SLIT3: variants seen among roughly 807,000 people sequenced by gnomAD.
The protein encoded by SLIT3 is slit homolog 3 protein.
Under a neutral mutation model 184.0 loss-of-function variants are expected in SLIT3, and 68 were observed. The observed-to-expected ratio is 0.37, with a 90% CI of 0.30 to 0.45. SLIT3 has a LOEUF of 0.45. Ranked by LOEUF, SLIT3 falls within the 20% of genes least tolerant of loss-of-function variation. The probability of loss-of-function intolerance (pLI) is 1.00; values close to 1 mark genes in which losing one functional copy is unlikely to be tolerated. For synonymous variants in SLIT3, 831 were observed against 828.6 expected (o/e 1.00, Z -0.05); for missense variants, 1,707 against 2,026.0 (o/e 0.84, Z 3.02).
At chr5:168,682,639 G>C (rs1761626440) in intron 32 of SLIT3, among the ~76,000 whole-genome samples, 1 of 152,172 alleles carries the variant, frequency 6.6e-6, no homozygotes, top group Non-Finnish European at 1.5e-5. Context: ...TGTGGAGGGG[G>C]GATCTTTGCT....
At chr5:169,144,329 G>A (rs1478254573) in intron 4 of SLIT3, among the ~76,000 whole-genome samples, 1 of 152,064 alleles carries the variant, frequency 6.6e-6, no homozygotes, top group Non-Finnish European at 1.5e-5. Context: ...CCTTTGTCGG[G>A]GCCATCTTTC....
chr5:169,053,200 A>G (rs1181991083), intron 4 of SLIT3, among the ~76,000 whole-genome samples: 3 of 152,178 alleles, frequency 2.0e-5, no homozygotes, highest in Admixed American at 6.5e-5. Flanking sequence ...ATTGATTCCA[A>G]CCTGGCTCCA....
At chr5:169,268,070 G>A (rs1400716320) in intron 1 of SLIT3, among the ~76,000 whole-genome samples, 1 of 152,220 alleles carries the variant, frequency 6.6e-6, no homozygotes, top group African/African-American at 2.4e-5. Context: ...CTAATAAAGT[G>A]AGTTCAGGCT....
chr5:169,057,985 C>T (rs752337590), intron 4 of SLIT3, among the ~76,000 whole-genome samples: 6 of 152,130 alleles, frequency 3.9e-5, no homozygotes, highest in Non-Finnish European at 5.9e-5. Flanking sequence ...TAGAAAATAC[C>T]CAGGGACCCT....
At chr5:169,176,936 C>T (rs1318920389) in intron 4 of SLIT3, among the ~76,000 whole-genome samples, 2 of 152,140 alleles carry the variant, frequency 1.3e-5, no homozygotes, top group Admixed American at 6.5e-5. Context: ...AGGCAGAGCC[C>T]ATGAAAGCCA....
At chr5:168,885,043 A>T (rs985824091) in intron 4 of SLIT3, among the ~76,000 whole-genome samples, 1 of 152,136 alleles carries the variant, frequency 6.6e-6, no homozygotes, top group Non-Finnish European at 1.5e-5. Flanking sequence ...CTAAATGAAC[A>T]TTTTGCAAAG....
At chr5:169,271,375 G>A (rs1325896882) in intron 1 of SLIT3, among the ~76,000 whole-genome samples, 3 of 152,124 alleles carry the variant, frequency 2.0e-5, no homozygotes, top group Non-Finnish European at 2.9e-5. Context: ...TCATTCCTGC[G>A]ATTACACCTT....
intron 4 of SLIT3, among the ~76,000 whole-genome samples, chr5:169,057,396 G>T (rs990799843): frequency 1.3e-5 from 2 of 152,198 alleles, no homozygotes; most frequent in South Asian, 4.1e-4. Flanking sequence ...AGCCCGCTTT[G>T]CTTAGTGGCC....
Position 169,113,059 on chromosome 5 carries a change from G to C in SLIT3, c.413+80420C>G, listed in dbSNP as rs143603644. Among the ~76,000 whole-genome samples the C allele has an allele frequency of 8.3e-4, 127 of 152,236 alleles. 1 individual carries two copies. The highest frequency in any genetic ancestry group is 3.0e-3 in the African/African-American group (125 of 41,530). ...TAAAATTATTTTTCATTGTGGTGAA[G>C]TGTACATAGCATCAAATTTAACATC... On this transcript the variant is annotated intron_variant, in intron 4 of 35. Coordinates refer to ENST00000519560, the MANE Select transcript of SLIT3 (RefSeq NM_003062.4).
rs150695709 is a variant in SLIT3 at position 168,883,840 on chromosome 5, C to T, written c.414-504G>A. On this transcript the variant is annotated intron_variant, in intron 4 of 35. Transcript: ENST00000519560. ...TTCTGATTTTCTGATGGGGGATGAC[C>T]ACTTCAGCTTACTCGAGAGTCCCAG... Among the ~76,000 whole-genome samples, 465 of 152,250 alleles carry T rather than the reference C, an allele frequency of 3.1e-3. 1 individual carries two copies. The highest frequency in any genetic ancestry group is 0.01 in the African/African-American group (430 of 41,526).
intron 4 of SLIT3, among the ~76,000 whole-genome samples, chr5:169,192,078 G>C (rs1310426136): frequency 6.6e-6 from 1 of 152,194 alleles, no homozygotes; most frequent in East Asian, 1.9e-4. Context: ...AAAGGCAGGG[G>C]ATGTTACAAA....
At chr5:168,686,129 G>A (rs1189461109) in intron 30 of SLIT3, among the ~76,000 whole-genome samples, 1 of 152,208 alleles carries the variant, frequency 6.6e-6, no homozygotes, top group East Asian at 1.9e-4. Flanking sequence ...ATTTTTAAGA[G>A]AGTTGGGGTA....
chr5:168,752,135 G>A (rs1166340405), intron 18 of SLIT3, among the ~76,000 whole-genome samples: 1 of 152,184 alleles, frequency 6.6e-6, no homozygotes, highest in East Asian at 1.9e-4. Flanking sequence ...ACAAAGACGA[G>A]ATGGCCCACA....
intron 4 of SLIT3, among the ~76,000 whole-genome samples, chr5:168,890,020 G>A (rs1760385654): frequency 6.6e-6 from 1 of 151,684 alleles, no homozygotes; most frequent in East Asian, 1.9e-4. Context: ...GTGGGCACCT[G>A]TAATCCCAGC....
chr5:168,978,707 C>A (rs1754848658), intron 4 of SLIT3, among the ~76,000 whole-genome samples: 3 of 152,214 alleles, frequency 2.0e-5, no homozygotes, highest in Admixed American at 6.5e-5. Flanking sequence ...ATGACAGATT[C>A]AGACCAGAGC....
intron 1 of SLIT3, among the ~76,000 whole-genome samples, chr5:169,271,263 G>A (rs887516913): frequency 9.9e-5 from 15 of 152,212 alleles, no homozygotes; most frequent in Admixed American, 5.9e-4. Context: ...GGCTAACTTC[G>A]AATAAGCTAT....
intron 7 of SLIT3, among the ~76,000 whole-genome samples, chr5:168,820,621 C>A (rs1008087654): frequency 6.6e-6 from 1 of 152,186 alleles, no homozygotes. Context: ...GACAAGGCTG[C>A]AGTTTCTCAT....
intron 4 of SLIT3, among the ~76,000 whole-genome samples, chr5:168,893,563 C>G (rs550420735): frequency 6.6e-6 from 1 of 152,068 alleles, no homozygotes; most frequent in East Asian, 1.9e-4. Flanking sequence ...TCCTTTGGCC[C>G]GAAAGCTGGA....
chr5:168,748,156 A>G, intron 20 of SLIT3, 146 bp downstream of exon 20: 1 of 903,648 alleles, frequency 1.1e-6, no homozygotes, highest in Non-Finnish European at 1.6e-6. Flanking sequence ...TGAGGGCTCC[A>G]CTGCCATCTT....
Sources: allele counts gnomAD v4.1 joint callset (sites outside exome capture counted in the v4.1 genomes callset), GRCh38; gene constraint gnomAD v4.1.1; transcripts MANE v1.5; gene names NCBI Gene and HGNC (gene_info 2026-07-23, HGNC 2026-07-21).